Variants in ADCY2 observed in about 807,000 individuals in gnomAD.
ADCY2 encodes adenylate cyclase type 2.
ADCY2 carries 31 observed loss-of-function variants against 125.2 expected under a neutral mutation model. The observed-to-expected ratio is 0.25, with a 90% confidence interval of 0.19 to 0.33. ADCY2 has a LOEUF of 0.33. ADCY2 is among the 10% of genes least tolerant of loss of function. The pLI is 1.00. For missense variants in ADCY2, 904 were observed against 1,418.2 expected (o/e 0.64, Z 5.82); for synonymous variants, 512 against 548.4 (o/e 0.93, Z 0.93).
chr5:7,732,509 T>G (rs1231163503), intron 14 of ADCY2, among the ~76,000 whole-genome samples: 2 of 152,248 alleles, frequency 1.3e-5, no homozygotes, highest in Non-Finnish European at 2.9e-5. Context: ...CAGTCTGATT[T>G]GAATACCTTC....
chr5:7,506,274 T>G (rs1240142899), intron 2 of ADCY2, among the ~76,000 whole-genome samples: 1 of 152,222 alleles, frequency 6.6e-6, no homozygotes, highest in Non-Finnish European at 1.5e-5. Flanking sequence ...CCTTCAAAAA[T>G]GTATAACTAG....
At chr5:7,557,954 T>C (rs1019840641) in intron 3 of ADCY2, among the ~76,000 whole-genome samples, 2 of 152,224 alleles carry the variant, frequency 1.3e-5, no homozygotes, top group African/African-American at 4.8e-5. Flanking sequence ...CCACATTGTC[T>C]TGGTTGAACT....
In ADCY2 at chr5:7,584,695, T is replaced by A. The variant is rs186546241; in HGVS notation, c.571-41472T>A. ...ACAGTTGCCCAAAGAGCTGAGATCT[T>A]GTAAAATTTTTATTTATCAGAAATG... On this transcript the variant is annotated intron_variant, in intron 3 of 24. Transcript: ENST00000338316. 2.6e-3 allele frequency among the ~76,000 whole-genome samples: 395 copies of A among 152,256 alleles called. 1 individual carries two copies. The highest frequency in any genetic ancestry group is 0.013 in the South Asian group (63 of 4,820).
intron 4 of ADCY2, among the ~76,000 whole-genome samples, chr5:7,662,522 T>A (rs1368018015): frequency 6.6e-6 from 1 of 152,234 alleles, no homozygotes; most frequent in African/African-American, 2.4e-5. Context: ...GCCAGCCTCC[T>A]GCCAGCCCAG....
At chr5:7,752,092 T>C (rs1742844754) in intron 15 of ADCY2, among the ~76,000 whole-genome samples, 2 of 152,144 alleles carry the variant, frequency 1.3e-5, no homozygotes, top group African/African-American at 4.8e-5. Context: ...TGGTACCCAG[T>C]GGAGCAACAG....
At chr5:7,503,404 C>T (rs1743671301) in intron 2 of ADCY2, among the ~76,000 whole-genome samples, 1 of 152,166 alleles carries the variant, frequency 6.6e-6, no homozygotes, top group Non-Finnish European at 1.5e-5. Flanking sequence ...ATCGCTCGCA[C>T]CCCTACCTCT....
At chr5:7,447,709 A>T (rs1159291007) in intron 2 of ADCY2, among the ~76,000 whole-genome samples, 1 of 152,200 alleles carries the variant, frequency 6.6e-6, no homozygotes, top group South Asian at 2.1e-4. Flanking sequence ...AGATCAGCAC[A>T]GTGGGGAGCT....
chr5:7,564,712 G>A (rs767553200), intron 3 of ADCY2, among the ~76,000 whole-genome samples: 2 of 152,124 alleles, frequency 1.3e-5, no homozygotes, highest in Non-Finnish European at 2.9e-5. Flanking sequence ...GCCTGCTAAG[G>A]GCCTTGGGCT....
chr5:7,662,483 A>G (rs929635983), intron 4 of ADCY2, among the ~76,000 whole-genome samples: 1 of 152,182 alleles, frequency 6.6e-6, no homozygotes, highest in Admixed American at 6.5e-5. Flanking sequence ...TTCCCAGCAG[A>G]CAGATGTCCT....
chr5:7,593,454 T>A (rs1184705444), intron 3 of ADCY2, among the ~76,000 whole-genome samples: 2 of 152,186 alleles, frequency 1.3e-5, no homozygotes, highest in African/African-American at 4.8e-5. Flanking sequence ...GGGATCTTCC[T>A]CTGCCAACCC....
chr5:7,498,964 T>A (rs1042104129), intron 2 of ADCY2, among the ~76,000 whole-genome samples: 68 of 152,184 alleles, frequency 4.5e-4, no homozygotes, highest in African/African-American at 1.6e-3. Context: ...ATATAAATCT[T>A]AAAAATAGCC....
chr5:7,545,520 G>T (rs1221180027), intron 3 of ADCY2, among the ~76,000 whole-genome samples: 1 of 152,158 alleles, frequency 6.6e-6, no homozygotes, highest in South Asian at 2.1e-4. Flanking sequence ...CACCCATTCT[G>T]CTCTCGACGT....
intron 16 of ADCY2, among the ~76,000 whole-genome samples, chr5:7,763,047 T>C (rs1236050902): frequency 2.2e-5 from 3 of 134,444 alleles, no homozygotes; most frequent in Admixed American, 7.3e-5. Flanking sequence ...ATTTTCTTTG[T>C]TTTTTTTGTT....
At chr5:7,566,243 C>T (rs1394941006) in intron 3 of ADCY2, among the ~76,000 whole-genome samples, 2 of 152,116 alleles carry the variant, frequency 1.3e-5, no homozygotes, top group African/African-American at 4.8e-5. Flanking sequence ...AATCCCAACA[C>T]TAGGAGGCCA....
chr5:7,695,315 T>C (rs1740852800), intron 5 of ADCY2, among the ~76,000 whole-genome samples: 1 of 152,218 alleles, frequency 6.6e-6, no homozygotes, highest in African/African-American at 2.4e-5. Flanking sequence ...TGTAGCCCTT[T>C]TTATGATTTG....
intron 3 of ADCY2, among the ~76,000 whole-genome samples, chr5:7,589,515 G>GAA (rs1196660906): frequency 9.2e-5 from 5 of 54,154 alleles, no homozygotes; most frequent in Non-Finnish European, 2.3e-4. Flanking sequence ...AGAAAGAAAA[G>GAA]AAAAGAAAGA....
At chr5:7,772,218 A>T (rs1309185032) in intron 17 of ADCY2, among the ~76,000 whole-genome samples, 1 of 152,216 alleles carries the variant, frequency 6.6e-6, no homozygotes, top group African/African-American at 2.4e-5. Flanking sequence ...TCCAAAGCCT[A>T]TCTGAACGGT....
intron 4 of ADCY2, among the ~76,000 whole-genome samples, chr5:7,640,707 G>A (rs577061350): frequency 6.6e-6 from 1 of 151,928 alleles, no homozygotes; most frequent in South Asian, 2.1e-4. Context: ...CAATATAAGA[G>A]GGAAGCCTAG....
intron 4 of ADCY2, among the ~76,000 whole-genome samples, chr5:7,674,807 A>G (rs1740060553): frequency 1.3e-5 from 2 of 151,988 alleles, no homozygotes; most frequent in Non-Finnish European, 2.9e-5. Context: ...CTGAACCATG[A>G]CCTTTTTTGT....
Sources: allele counts gnomAD v4.1 joint callset (sites outside exome capture counted in the v4.1 genomes callset), GRCh38; gene constraint gnomAD v4.1.1; transcripts MANE v1.5; gene names NCBI Gene and HGNC (gene_info 2026-07-23, HGNC 2026-07-21).